Variants in KBTBD13 observed in about 807,000 individuals in gnomAD.
KBTBD13 encodes the protein kelch repeat and BTB domain containing 13.
In KBTBD13, 32 loss-of-function variants were observed where a neutral mutation model predicts 25.4. That is an observed-to-expected ratio of 1.26 (90% CI 0.95 to 1.69). The LOEUF is 1.69. KBTBD13 is among the 40% of genes most tolerant of loss of function. The pLI, the probability that KBTBD13 is intolerant of heterozygous loss-of-function variation, is 0.00. For missense variants in KBTBD13, 898 were observed against 679.5 expected, an observed-to-expected ratio of 1.32 and a Z score of -3.57; for synonymous variants, 436 against 329.8, an observed-to-expected ratio of 1.32 and a Z score of -3.49.
In KBTBD13 at chr15:65,077,569, G is replaced by A; in HGVS notation, c.754G>A (p.Ala252Thr). Residue 252 changes from alanine to threonine, a missense_variant, in exon 1 of 1, where the codon GCG becomes ACG. Coordinates refer to ENST00000432196, the MANE Select transcript of KBTBD13 (RefSeq NM_001101362.3). Reference protein sequence around the residue: ...PSPHQPRYDTALAGFDGRLYA... With the variant: ...PSPHQPRYDTTLAGFDGRLYA... ...CCCGCACCAGCCGCGCTATGACACA[G>A]CGCTGGCCGGCTTCGACGGCCGCCT... 1 of 1,556,738 alleles carries A rather than the reference G, an allele frequency of 6.4e-7. No individual in the cohort carries two copies.
rs886051342 is a variant in KBTBD13, at chr15:65,079,304, C to T, written c.*1112C>T. The stretch of plus-strand genomic sequence containing the variant: ...TTTGCAATTCCCTGGGCTGGAATGC[C>T]TAGTCTCCTCCTCTCTCCCTGTCAG... On this transcript the variant is annotated 3_prime_UTR_variant, in exon 1 of 1. Transcript: ENST00000432196. Among the ~76,000 whole-genome samples, 1 of 152,172 alleles carries T rather than the reference C, an allele frequency of 6.6e-6. No individual in the cohort carries two copies. The highest frequency in any genetic ancestry group is 1.5e-5 in the Non-Finnish European group (1 of 68,038).
Position 65,077,089 on chromosome 15 carries a change from G to C in KBTBD13, c.274G>C (p.Ala92Pro). Residue 92 changes from alanine to proline, a missense_variant, in exon 1 of 1, where the codon GCG becomes CCG. Transcript: ENST00000432196. ...VECAAFLQAP[A>P]LARFLEHNLT... The stretch of plus-strand genomic sequence containing the variant: ...GTGCGCCGCCTTCCTCCAGGCGCCG[G>C]CGCTGGCTCGCTTTCTGGAGCACAA... 2 of 1,522,254 alleles carry C rather than the reference G, an allele frequency of 1.3e-6. No individual in the cohort carries two copies. Among genetic ancestry groups the C allele is most frequent in the South Asian group, 1.2e-5 (1 of 82,392 alleles). The allele number at this position is 1,522,254 out of a possible 1,614,324, so 94.3% of individuals were successfully genotyped here.
chr15:65,077,912 A>G lies in KBTBD13; in HGVS notation c.1097A>G (p.His366Arg), dbSNP rs765140158. 6.2e-7 allele frequency: 1 copy of G among 1,611,968 alleles called. No individual in the cohort carries two copies. Among genetic ancestry groups the G allele is most frequent in the Non-Finnish European group, 8.5e-7 (1 of 1,179,798 alleles). The change falls in exon 1 of 1, where the codon CAC becomes CGC. Residue 366 changes from histidine to arginine, a missense_variant. By Grantham distance (29) the His-to-Arg change is conservative. Coordinates refer to ENST00000432196, the MANE Select transcript of KBTBD13 (RefSeq NM_001101362.3). ...AACGGACCTTCCGACGACTTCCTGC[A>G]CTGCGCCATCGACTGTCTCAACCTG... is the stretch of plus-strand genomic sequence containing the variant. ...VRNGPSDDFL[H>R]CAIDCLNLAT... is the part of the protein sequence containing the mutation.
At position 65,077,990 on chromosome 15, in the gene KBTBD13, C is replaced by A; in HGVS notation, c.1175C>A (p.Ala392Glu). ...GGCCAGTTCGTCAACAGCAAGGGAG[C>A]GCTCTTCACGGCCGTGGTGCGCGGT... ...LPGQFVNSKGALFTAVVRGDT... is the reference protein window; with the variant it reads ...LPGQFVNSKGELFTAVVRGDT... The change falls in exon 1 of 1, where the codon GCG (alanine) becomes GAG (glutamate). Residue 392 changes from alanine to glutamate, a missense_variant. Coordinates refer to ENST00000432196, the MANE Select transcript of KBTBD13 (RefSeq NM_001101362.3). 1 of 1,609,538 alleles carries A rather than the reference C, an allele frequency of 6.2e-7. No individual in the cohort carries two copies. The highest frequency in any genetic ancestry group is 8.5e-7 in the Non-Finnish European group (1 of 1,179,742).
rs886051341 is a variant in KBTBD13, at chr15:65,078,886, T to C, written c.*694T>C. On this transcript the variant is annotated 3_prime_UTR_variant, in exon 1 of 1. Coordinates refer to ENST00000432196, the MANE Select transcript of KBTBD13 (RefSeq NM_001101362.3). ...AAGGGGAGGCTTAGACCATGGAGGCTGAGAGCTCAGAAGAGAAGCAGGGTT... is the reference window on the plus strand; with the variant it reads ...AAGGGGAGGCTTAGACCATGGAGGCCGAGAGCTCAGAAGAGAAGCAGGGTT... Among the ~76,000 whole-genome samples the C allele has an allele frequency of 1.3e-5, 2 of 152,076 alleles. No homozygotes were observed. The highest frequency in any genetic ancestry group is 2.9e-5 in the Non-Finnish European group (2 of 68,008).
Position 65,079,061 on chromosome 15 carries a change from C to T in KBTBD13, c.*869C>T, listed in dbSNP as rs866923975. Among the ~76,000 whole-genome samples the T allele has an allele frequency of 3.3e-5, 5 of 152,138 alleles. No homozygotes were observed. The highest frequency in any genetic ancestry group is 6.5e-5 in the Admixed American group (1 of 15,280). On this transcript the variant is annotated 3_prime_UTR_variant, in exon 1 of 1. Transcript: ENST00000432196. ...GAGCCTGGAGTGAGACCTGTGGGGGCGAGAGGATTCTTCACGTTCCTTTTT... is the reference window on the plus strand; with the variant it reads ...GAGCCTGGAGTGAGACCTGTGGGGGTGAGAGGATTCTTCACGTTCCTTTTT...
At position 65,077,273 on chromosome 15, in the gene KBTBD13, G is replaced by A. The variant is rs903513958; in HGVS notation, c.458G>A (p.Arg153Gln). 1.4e-5 allele frequency: 19 copies of A among 1,397,610 alleles called. No individual in the cohort carries two copies. Among genetic ancestry groups the A allele is most frequent in the South Asian group, 7.9e-5 (5 of 62,926 alleles). The allele number at this position is 1,397,610 out of a possible 1,614,324, so 86.6% of individuals were successfully genotyped here. A position where few individuals can be genotyped will look rare whatever the true frequency, so the allele number is the denominator to read the frequency against. Residue 153 changes from arginine (R) to glutamine (Q), a missense_variant, in exon 1 of 1, where the codon CGG becomes CAG. Coordinates refer to ENST00000432196, the MANE Select transcript of KBTBD13 (RefSeq NM_001101362.3). ...GCCCGCGCCTACGTGGCGGCCCTGCGGCCCAGCAGCTACGCGGCCGTGAGC... is the reference window on the plus strand; with the variant it reads ...GCCCGCGCCTACGTGGCGGCCCTGCAGCCCAGCAGCTACGCGGCCGTGAGC... ...PEARAYVAAL[R>Q]PSSYAAVSTH...
Position 65,077,185 on chromosome 15 carries a change from AGT to A in KBTBD13, c.372_373del (p.Ala125ArgfsTer19). 6.8e-7 allele frequency: 1 copy of A among 1,480,942 alleles called. No individual in the cohort carries two copies. The highest frequency in any genetic ancestry group is 1.3e-5 in the South Asian group (1 of 78,296). 91.7% of individuals were successfully genotyped at this position (1,480,942 alleles called of 1,614,324 possible). A position where few individuals can be genotyped will look rare whatever the true frequency, so the allele number is the denominator to read the frequency against. ...AAFGLRDVFH[S>X]AALFICDGER... is the part of the protein sequence containing the mutation. Reference sequence around the variant, plus strand: ...CTTCGGCCTGCGCGACGTGTTCCACAGTGCCGCGCTCTTCATCTGCGACGGCG... The same window carrying A: ...CTTCGGCCTGCGCGACGTGTTCCACAGCCGCGCTCTTCATCTGCGACGGCG... On this transcript the variant is annotated frameshift_variant, in exon 1 of 1. Coordinates refer to ENST00000432196, the MANE Select transcript of KBTBD13 (RefSeq NM_001101362.3). LOFTEE classifies it high-confidence loss of function.
rs887462336 is a variant in KBTBD13 at position 65,077,532 on chromosome 15, C to T, written c.717C>T (p.His239=). Residue 239 remains histidine (H), a synonymous_variant, in exon 1 of 1, where the codon CAC becomes CAT. Coordinates refer to ENST00000432196, the MANE Select transcript of KBTBD13 (RefSeq NM_001101362.3). ...FCYDPDGGTW[H]EFPSPHQPRY... is the part of the protein sequence containing the mutation. ...ACGACCCCGACGGCGGCACGTGGCA[C>T]GAGTTCCCCAGCCCGCACCAGCCGC... 9 of 1,529,018 alleles carry T rather than the reference C, an allele frequency of 5.9e-6. No homozygotes were observed. Among genetic ancestry groups the T allele is most frequent in the Non-Finnish European group, 7.9e-6 (9 of 1,139,594 alleles). 94.7% of individuals were successfully genotyped at this position (1,529,018 alleles called of 1,614,324 possible).
Position 65,078,234 on chromosome 15 carries a change from T to C in KBTBD13, c.*42T>C. 6.6e-7 allele frequency: 1 copy of C among 1,523,576 alleles called. No individual in the cohort carries two copies. 94.4% of individuals were successfully genotyped at this position (1,523,576 alleles called of 1,614,324 possible). On this transcript the variant is annotated 3_prime_UTR_variant, in exon 1 of 1. Coordinates refer to ENST00000432196, the MANE Select transcript of KBTBD13 (RefSeq NM_001101362.3). ...AGGAGGGAGGAGACGCCGCGACTCC[T>C]CCCTGAGCTATGGCTGAGTGTGTGA...
At position 65,078,236 on chromosome 15, in the gene KBTBD13, C is replaced by T; in HGVS notation, c.*44C>T. ...GAGGGAGGAGACGCCGCGACTCCTC[C>T]CTGAGCTATGGCTGAGTGTGTGAGG... On this transcript the variant is annotated 3_prime_UTR_variant, in exon 1 of 1. Transcript: ENST00000432196. 1 of 1,523,096 alleles carries T rather than the reference C, an allele frequency of 6.6e-7. No individual in the cohort carries two copies. Among genetic ancestry groups the T allele is most frequent in the Non-Finnish European group, 8.8e-7 (1 of 1,138,322 alleles). The allele number at this position is 1,523,096 out of a possible 1,614,324, so 94.3% of individuals were successfully genotyped here. A position where few individuals can be genotyped will look rare whatever the true frequency, so the allele number is the denominator to read the frequency against.
At position 65,077,057 on chromosome 15, in the gene KBTBD13, C is replaced by G. The variant is rs2919358; in HGVS notation, c.242C>G (p.Ala81Gly). The G allele has an allele frequency of 1.3e-6, 2 of 1,517,068 alleles. No individual in the cohort carries two copies. The highest frequency in any genetic ancestry group is 1.8e-6 in the Non-Finnish European group (2 of 1,136,858). 94.0% of individuals were successfully genotyped at this position (1,517,068 alleles called of 1,614,324 possible). ...ALAAEDELLQAVECAAFLQAP... is the reference protein window; with the variant it reads ...ALAAEDELLQGVECAAFLQAP... ...GCGGCGGAGGACGAGCTGCTGCAGG[C>G]CGTGGAGTGCGCCGCCTTCCTCCAG... Residue 81 changes from alanine to glycine, a missense_variant, in exon 1 of 1, where the codon GCC (alanine) becomes GGC (glycine). Coordinates refer to ENST00000432196, the MANE Select transcript of KBTBD13 (RefSeq NM_001101362.3).
At position 65,077,584 on chromosome 15, in the gene KBTBD13, G is replaced by T; in HGVS notation, c.769G>T (p.Asp257Tyr). ...PRYDTALAGFDGRLYAIGGEF... is the reference protein window; with the variant it reads ...PRYDTALAGFYGRLYAIGGEF... ...CTATGACACAGCGCTGGCCGGCTTCGACGGCCGCCTCTACGCCATCGGCGG... is the reference window on the plus strand; with the variant it reads ...CTATGACACAGCGCTGGCCGGCTTCTACGGCCGCCTCTACGCCATCGGCGG... Residue 257 changes from aspartate (D) to tyrosine (Y), a missense_variant, in exon 1 of 1, where the codon GAC (aspartate) becomes TAC (tyrosine). By Grantham distance (160) the Asp-to-Tyr change is radical (BLOSUM62 -3). Coordinates refer to ENST00000432196, the MANE Select transcript of KBTBD13 (RefSeq NM_001101362.3). 6.4e-7 allele frequency: 1 copy of T among 1,563,278 alleles called. No homozygotes were observed. The highest frequency in any genetic ancestry group is 8.6e-7 in the Non-Finnish European group (1 of 1,162,064).
Position 65,077,570 on chromosome 15 carries a change from CG to C in KBTBD13, c.756del (p.Leu253TrpfsTer189). 6.4e-7 allele frequency: 1 copy of C among 1,556,844 alleles called. No homozygotes were observed. Among genetic ancestry groups the C allele is most frequent in the Non-Finnish European group, 8.6e-7 (1 of 1,158,876 alleles). The stretch of plus-strand genomic sequence containing the variant: ...CCGCACCAGCCGCGCTATGACACAG[CG>C]CTGGCCGGCTTCGACGGCCGCCTCT... ...PSPHQPRYDT[A>X]LAGFDGRLYA... On this transcript the variant is annotated frameshift_variant, in exon 1 of 1. Transcript: ENST00000432196. LOFTEE classifies it high-confidence loss of function.
Position 65,078,114 on chromosome 15 carries a change from C to T in KBTBD13, c.1299C>T (p.Pro433=), listed in dbSNP as rs752673644. 2 of 1,570,594 alleles carry T rather than the reference C, an allele frequency of 1.3e-6. No homozygotes were observed. Among genetic ancestry groups the T allele is most frequent in the Non-Finnish European group, 1.7e-6 (2 of 1,164,316 alleles). ...LLREKAGFPR[P]GSLQTFLLRL... ...GGGAGAAAGCCGGCTTCCCGCGGCCCGGCTCCTTGCAGACCTTTCTCCTAA... is the reference window on the plus strand; with the variant it reads ...GGGAGAAAGCCGGCTTCCCGCGGCCTGGCTCCTTGCAGACCTTTCTCCTAA... Residue 433 remains proline (P), a synonymous_variant, in exon 1 of 1, where the codon CCC becomes CCT. Transcript: ENST00000432196.
At position 65,079,801 on chromosome 15, in the gene KBTBD13, G is replaced by A. The variant is rs1221508958; in HGVS notation, c.*1609G>A. Among the ~76,000 whole-genome samples the A allele has an allele frequency of 3.3e-5, 5 of 152,174 alleles. No homozygotes were observed. The highest frequency in any genetic ancestry group is 7.2e-5 in the African/African-American group (3 of 41,426). The stretch of plus-strand genomic sequence containing the variant: ...TGACACCTCCGGGGCATGGAGGCTC[G>A]CGCCAGGGCTGCACCTAGCTGCCTC... On this transcript the variant is annotated 3_prime_UTR_variant, in exon 1 of 1. Transcript: ENST00000432196.
chr15:65,077,079 C>T lies in KBTBD13; in HGVS notation c.264C>T (p.Leu88=). The part of the protein sequence containing the change: ...LLQAVECAAF[L]QAPALARFLE... ...AGGCCGTGGAGTGCGCCGCCTTCCT[C>T]CAGGCGCCGGCGCTGGCTCGCTTTC... Residue 88 remains leucine, a synonymous_variant, in exon 1 of 1, where the codon CTC becomes CTT. Transcript: ENST00000432196. 6.6e-7 allele frequency: 1 copy of T among 1,515,856 alleles called. No individual in the cohort carries two copies. 93.9% of individuals were successfully genotyped at this position (1,515,856 alleles called of 1,614,324 possible). A position where few individuals can be genotyped will look rare whatever the true frequency, so the allele number is the denominator to read the frequency against.
rs112424268 is a variant in KBTBD13 at position 65,079,683 on chromosome 15, T to C, written c.*1491T>C. 6.6e-6 allele frequency among the ~76,000 whole-genome samples: 1 copy of C among 152,262 alleles called. No homozygotes were observed. Among genetic ancestry groups the C allele is most frequent in the African/African-American group, 2.4e-5 (1 of 41,548 alleles). ...GCCTCTCCATGGCCTTGGGAAGACT[T>C]CTCTGGGTGGTTCTCATTGGTCTCC... On this transcript the variant is annotated 3_prime_UTR_variant, in exon 1 of 1. Coordinates refer to ENST00000432196, the MANE Select transcript of KBTBD13 (RefSeq NM_001101362.3).
At position 65,077,792 on chromosome 15, in the gene KBTBD13, G is replaced by C. The variant is rs779729198; in HGVS notation, c.977G>C (p.Arg326Pro). The C allele has an allele frequency of 8.2e-6, 13 of 1,591,908 alleles. No individual in the cohort carries two copies. The highest frequency in any genetic ancestry group is 1.1e-5 in the Non-Finnish European group (13 of 1,174,004). ...DTTAVVEYAV[R>P]TDAWLPVAEL... ...ACCGCCGTGGTGGAGTACGCAGTGC[G>C]GACCGACGCGTGGCTGCCAGTGGCC... is the stretch of plus-strand genomic sequence containing the variant. Residue 326 changes from arginine (R) to proline (P), a missense_variant, in exon 1 of 1, where the codon CGG becomes CCG. Transcript: ENST00000432196.
Sources: gnomAD v4.1 joint callset for allele counts (sites outside exome capture counted in the v4.1 genomes callset) on GRCh38, gnomAD v4.1.1 for gene constraint, MANE v1.5 for transcripts, NCBI Gene and HGNC (gene_info 2026-07-23, HGNC 2026-07-21) for gene names.